DNAJB1: variants seen among roughly 807,000 people sequenced by gnomAD.
DNAJB1 encodes DnaJ heat shock protein family (Hsp40) member B1.
A neutral mutation model predicts 24.0 loss-of-function variants in DNAJB1; 14 were observed. The ratio of observed to expected loss-of-function variants is 0.58; its 90% CI spans 0.39 to 0.91. The LOEUF (loss-of-function observed/expected upper bound fraction) is 0.91. DNAJB1 is among the 40% of genes least tolerant of loss of function. DNAJB1 has a pLI of 0.00. For missense variants in DNAJB1, 517 were observed against 458.1 expected, an observed-to-expected ratio of 1.13 and a Z score of -1.17; for synonymous variants, 262 against 174.4, an observed-to-expected ratio of 1.50 and a Z score of -3.96.
At chr19:14,542,145 A>G (rs531097339) in intron 1 of DNAJB1, among the ~76,000 whole-genome samples, 1 of 151,810 alleles carries the variant, frequency 6.6e-6, no homozygotes, top group Non-Finnish European at 1.5e-5. Flanking sequence ...TATTGTTTTT[A>G]GTAGAGATGG....
intron 1 of DNAJB1, chr19:14,544,981 G>A (rs1468520562): frequency 2.2e-5 from 9 of 411,356 alleles, no homozygotes; most frequent in Non-Finnish European, 3.9e-5. Flanking sequence ...GAACTGCGGT[G>A]TCCTTTTCAC....
At chr19:14,526,727 A>G (rs2072431249) in intron 2 of DNAJB1, among the ~76,000 whole-genome samples, 1 of 152,158 alleles carries the variant, frequency 6.6e-6, no homozygotes, top group Admixed American at 6.6e-5. Context: ...CTTGTACACC[A>G]TCATGCCCTA....
chr19:14,551,313 G>A (rs1416999325), upstream of DNAJB1, among the ~76,000 whole-genome samples: 1 of 152,004 alleles, frequency 6.6e-6, no homozygotes, highest in Admixed American at 6.6e-5. Flanking sequence ...GACCTCAGGT[G>A]ATCCACCCAC....
At chr19:14,552,976 C>T (rs1599469492), upstream of DNAJB1, among the ~76,000 whole-genome samples, 1 of 152,054 alleles carries the variant, frequency 6.6e-6, no homozygotes, top group Non-Finnish European at 1.5e-5. Context: ...CAGTGCTCCT[C>T]GGAGGCCCTG....
intron 1 of DNAJB1, among the ~76,000 whole-genome samples, chr19:14,559,786 C>CAA (rs5827240): frequency 7.2e-6 from 1 of 139,064 alleles, no homozygotes; most frequent in South Asian, 2.3e-4. Flanking sequence ...GACTCTGTCT[C>CAA]AAAAAAAAAA....
chr19:14,516,639 C>T lies in DNAJB1; in HGVS notation c.619G>A (p.Glu207Lys), dbSNP rs766245306. 1.2e-6 allele frequency: 2 copies of T among 1,614,168 alleles called. No individual in the cohort carries two copies. Among genetic ancestry groups the T allele is most frequent in the Non-Finnish European group, 1.7e-6 (2 of 1,180,030 alleles). Residue 207 changes from glutamate to lysine, a missense_variant, in exon 2 of 3, where the codon GAA becomes AAA. Coordinates refer to ENST00000254322, the MANE Select transcript of DNAJB1 (RefSeq NM_006145.3). The part of the protein sequence containing the change: ...IRNEDKILTI[E>K]VKKGWKEGTK... ...CCTTCTTTCCACCCCTTCTTCACTT[C>T]GATGGTCAATATTTTGTCTTCGTTT...
At position 14,518,225 on chromosome 19, in the gene DNAJB1, T is replaced by G. The variant is rs774015686; in HGVS notation, c.125A>C (p.Glu42Ala). 9 of 1,609,996 alleles carry G rather than the reference T, an allele frequency of 5.6e-6. No homozygotes were observed. Among genetic ancestry groups the G allele is most frequent in the Non-Finnish European group, 7.6e-6 (9 of 1,178,576 alleles). ...CTCAGCGATCTCCTTGAACTTCTCC[T>G]CGGCGCCGGGCTCCTTGTTCTTGTC... ...HPDKNKEPGA[E>A]EKFKEIAEAY... The change falls in exon 1 of 3, where the codon GAG becomes GCG. Residue 42 changes from glutamate to alanine, a missense_variant. Physicochemically the swap from Glu to Ala is moderately radical, Grantham distance 107. Coordinates refer to ENST00000254322, the MANE Select transcript of DNAJB1 (RefSeq NM_006145.3).
intron 1 of DNAJB1, among the ~76,000 whole-genome samples, chr19:14,541,974 G>A (rs974464702): frequency 2.0e-5 from 3 of 152,170 alleles, no homozygotes; most frequent in East Asian, 1.9e-4. Context: ...GTAGTAGACC[G>A]GGTTTCACAT....
chr19:14,559,161 C>G (rs1455213858), intron 1 of DNAJB1, among the ~76,000 whole-genome samples: 1 of 152,188 alleles, frequency 6.6e-6, no homozygotes, highest in Non-Finnish European at 1.5e-5. Context: ...TTACCCCTCA[C>G]CCCTTTAAAC....
At chr19:14,517,158 T>C (rs2072283334) in intron 1 of DNAJB1, 112 bp from the exon 2 acceptor site, 3 of 1,146,526 alleles carry the variant, frequency 2.6e-6, no homozygotes, top group Non-Finnish European at 3.6e-6. Flanking sequence ...TTTTTGTCTG[T>C]CAGGGGAGAG....
Position 14,516,906 on chromosome 19 carries a change from G to C in DNAJB1, c.352C>G (p.Gln118Glu). ...GRNPFDTFFGQRNGEEGMDID... is the reference protein window; with the variant it reads ...GRNPFDTFFGERNGEEGMDID... ...TCCATGCCTTCCTCCCCGTTCCGCTGCCCAAAAAAGGTGTCAAAGGGATTT... is the reference window on the plus strand; with the variant it reads ...TCCATGCCTTCCTCCCCGTTCCGCTCCCCAAAAAAGGTGTCAAAGGGATTT... Residue 118 changes from glutamine (Q) to glutamate (E), a missense_variant, in exon 2 of 3, where the codon CAG (glutamine) becomes GAG (glutamate). Gln to Glu is a conservative substitution (Grantham distance 29). Transcript: ENST00000254322. The C allele has an allele frequency of 6.2e-7, 1 of 1,613,980 alleles. No homozygotes were observed. Among genetic ancestry groups the C allele is most frequent in the Non-Finnish European group, 8.5e-7 (1 of 1,180,000 alleles).
intron 2 of DNAJB1, among the ~76,000 whole-genome samples, chr19:14,523,610 C>A (rs2072386530): frequency 6.6e-6 from 1 of 150,558 alleles, no homozygotes; most frequent in Non-Finnish European, 1.5e-5. Context: ...CTACACCCGG[C>A]CTTGTTTTTG....
At chr19:14,553,736 G>A (rs984054584), upstream of DNAJB1, among the ~76,000 whole-genome samples, 68 of 152,294 alleles carry the variant, frequency 4.5e-4, 1 homozygote, top group African/African-American at 1.5e-3. Flanking sequence ...GGTGGCCGGC[G>A]TGGCTCTGGG....
upstream of DNAJB1, chr19:14,529,420 A>G (rs2072522320): frequency 5.0e-6 from 3 of 603,698 alleles, no homozygotes; most frequent in Middle Eastern, 4.4e-4. Flanking sequence ...CCCCTCCTAC[A>G]GGCGTTCCGC....
intron 1 of DNAJB1, 125 bp from the exon 2 acceptor site, chr19:14,517,171 A>C: frequency 1.0e-6 from 1 of 956,314 alleles, no homozygotes; most frequent in Non-Finnish European, 1.5e-6. Flanking sequence ...GGGGAGAGCA[A>C]GGAAGAACCC....
chr19:14,518,738 G>A (rs11085895), upstream of DNAJB1, among the ~76,000 whole-genome samples: 81,904 of 152,152 alleles, frequency 0.54, 23,999 homozygotes, highest in African/African-American at 0.76. Flanking sequence ...TGGGTCAGTA[G>A]GTCGGGACCC....
In DNAJB1 at chr19:14,518,367, C is replaced by A. The variant is rs777556232; in HGVS notation, c.-18G>T. 3 of 1,533,814 alleles carry A rather than the reference C, an allele frequency of 2.0e-6. No homozygotes were observed. Among genetic ancestry groups the A allele is most frequent in the Non-Finnish European group, 2.6e-6 (3 of 1,150,060 alleles). On this transcript the variant is annotated 5_prime_UTR_variant, in exon 1 of 3. Coordinates refer to ENST00000254322, the MANE Select transcript of DNAJB1 (RefSeq NM_006145.3). ...TTACCCATGACCCCCTCCTGCGGCC[C>A]GCCGACCCGCTGTCGCCGTCCCCCG...
chr19:14,539,042 C>T (rs1467812687), intron 1 of DNAJB1, among the ~76,000 whole-genome samples: 3 of 148,138 alleles, frequency 2.0e-5, no homozygotes, highest in Admixed American at 6.8e-5. Context: ...GGCTCCATCT[C>T]GGCTCACTGC....
chr19:14,520,049 G>C (rs571454997), upstream of DNAJB1, among the ~76,000 whole-genome samples: 17 of 152,238 alleles, frequency 1.1e-4, 1 homozygote, highest in South Asian at 2.1e-3. Flanking sequence ...GGGTAACCTT[G>C]GGTTAGTTAC....
Sources: allele counts gnomAD v4.1 joint callset (sites outside exome capture counted in the v4.1 genomes callset), GRCh38; gene constraint gnomAD v4.1.1; transcripts MANE v1.5; gene names NCBI Gene and HGNC (gene_info 2026-07-23, HGNC 2026-07-21).